C10orf71: variants seen among roughly 807,000 people sequenced by gnomAD.
C10orf71 encodes chromosome 10 open reading frame 71.
For missense variants in C10orf71, 1,869 were observed against 1,804.5 expected, an observed-to-expected ratio of 1.04 and a Z score of -0.65; for synonymous variants, 758 against 726.3, an observed-to-expected ratio of 1.04 and a Z score of -0.70.
At chr10:49,302,883 G>C (rs1279553088) in intron 1 of C10orf71, among the ~76,000 whole-genome samples, 1 of 152,112 alleles carries the variant, frequency 6.6e-6, no homozygotes, top group African/African-American at 2.4e-5. Flanking sequence ...AGGCAAATCT[G>C]GGTTCATAGG....
At chr10:49,315,006 T>A (rs1394269521) in intron 1 of C10orf71, among the ~76,000 whole-genome samples, 3 of 152,116 alleles carry the variant, frequency 2.0e-5, no homozygotes, top group Admixed American at 6.5e-5. Context: ...GATCATCAGT[T>A]CCTGAAACAT....
rs1379696315 is a variant in C10orf71, at chr10:49,324,809, A to G, written c.2264A>G (p.Asp755Gly). The change falls in exon 3 of 3, where the codon GAC (aspartate) becomes GGC (glycine). Residue 755 changes from aspartate to glycine, a missense_variant. Coordinates refer to ENST00000374144, the MANE Select transcript of C10orf71 (RefSeq NM_001135196.2). ...TGGTTTACTGAGAACCAGCGGGAAG[A>G]CAGGAGGAAGGATGTGAGTGCAGGT... ...KMWFTENQRE[D>G]RRKDVSAGDS... The G allele has an allele frequency of 6.4e-7, 1 of 1,552,140 alleles. No individual in the cohort carries two copies. The highest frequency in any genetic ancestry group is 1.2e-5 in the South Asian group (1 of 84,080).
In C10orf71 at chr10:49,325,136, C is replaced by T; in HGVS notation, c.2591C>T (p.Ala864Val). Residue 864 changes from alanine (A) to valine (V), a missense_variant, in exon 3 of 3, where the codon GCT becomes GTT. Physicochemically the swap from Ala to Val is moderately conservative, Grantham distance 64. Coordinates refer to ENST00000374144, the MANE Select transcript of C10orf71 (RefSeq NM_001135196.2). The part of the protein sequence containing the change: ...LFTIKDNTLR[A>V]TPVIKPIMLP... Reference sequence around the variant, plus strand: ...ACGATTAAAGACAACACCCTCAGAGCTACCCCCGTAATTAAACCTATCATG... The same window carrying T: ...ACGATTAAAGACAACACCCTCAGAGTTACCCCCGTAATTAAACCTATCATG... 6.4e-7 allele frequency: 1 copy of T among 1,552,134 alleles called. No homozygotes were observed. Among genetic ancestry groups the T allele is most frequent in the Non-Finnish European group, 8.7e-7 (1 of 1,147,090 alleles).
In C10orf71 at chr10:49,327,009, G is replaced by A. The variant is rs755482492; in HGVS notation, c.*156G>A. ...CTTTTTAGATCCATAAAGTCCAGAA[G>A]GCAGTAGGGATCCCAAGACGACCTC... is the stretch of plus-strand genomic sequence containing the variant. On this transcript the variant is annotated 3_prime_UTR_variant, in exon 3 of 3. Transcript: ENST00000374144. 1.9e-6 allele frequency: 3 copies of A among 1,588,558 alleles called. No individual in the cohort carries two copies. The highest frequency in any genetic ancestry group is 1.1e-5 in the South Asian group (1 of 88,044).
rs765182836 is a variant in C10orf71 at position 49,323,769 on chromosome 10, C to T, written c.1224C>T (p.Gly408=). The change falls in exon 3 of 3, where the codon GGC becomes GGT. Residue 408 remains glycine, a synonymous_variant. Coordinates refer to ENST00000374144, the MANE Select transcript of C10orf71 (RefSeq NM_001135196.2). Reference sequence around the variant, plus strand: ...AAAAGACACAGACCAACCAGAGAGGCCCACCTTTGTATACAAAACACAACC... The same window carrying T: ...AAAAGACACAGACCAACCAGAGAGGTCCACCTTTGTATACAAAACACAACC... ...LEEKTQTNQR[G]PPLYTKHNPQ... 1.4e-4 allele frequency: 225 copies of T among 1,613,944 alleles called. No homozygotes were observed. The highest frequency in any genetic ancestry group is 5.3e-4 in the East Asian group (24 of 44,878).
rs751670208 is a variant in C10orf71, at chr10:49,322,672, T to A, written c.127T>A (p.Ser43Thr). The change falls in exon 3 of 3, where the codon TCC (serine) becomes ACC (threonine). Residue 43 changes from serine (S) to threonine (T), a missense_variant. Physicochemically the swap from Ser to Thr is moderately conservative, Grantham distance 58. Coordinates refer to ENST00000374144, the MANE Select transcript of C10orf71 (RefSeq NM_001135196.2). ...CCGGGCATTCCGGAGTTTGTGCATC[T>A]CCGAGGACACATCCTTCCATGACTC... is the stretch of plus-strand genomic sequence containing the variant. Reference protein sequence around the residue: ...TDRAFRSLCISEDTSFHDSYL... With the variant: ...TDRAFRSLCITEDTSFHDSYL... 4 of 1,613,758 alleles carry A rather than the reference T, an allele frequency of 2.5e-6. No individual in the cohort carries two copies. Among genetic ancestry groups the A allele is most frequent in the Non-Finnish European group, 3.4e-6 (4 of 1,179,784 alleles).
At position 49,324,275 on chromosome 10, in the gene C10orf71, C is replaced by G; in HGVS notation, c.1730C>G (p.Thr577Arg). ...CACATCAATCCCCAGAAGGACCCTA[C>G]AGCTGACCCCAGTGAGCCCTCTGCA... The part of the protein sequence containing the change: ...ASHINPQKDP[T>R]ADPSEPSADS... The change falls in exon 3 of 3, where the codon ACA (threonine) becomes AGA (arginine). Residue 577 changes from threonine to arginine, a missense_variant. Thr to Arg is a moderately conservative substitution (Grantham distance 71). Coordinates refer to ENST00000374144, the MANE Select transcript of C10orf71 (RefSeq NM_001135196.2). 1 of 1,613,984 alleles carries G rather than the reference C, an allele frequency of 6.2e-7. No individual in the cohort carries two copies. Among genetic ancestry groups the G allele is most frequent in the African/African-American group, 1.3e-5 (1 of 75,034 alleles).
Position 49,326,284 on chromosome 10 carries a change from G to T in C10orf71, c.3739G>T (p.Val1247Leu), listed in dbSNP as rs1292724454. Residue 1247 changes from valine to leucine, a missense_variant, in exon 3 of 3, where the codon GTG becomes TTG. By Grantham distance (32) the Val-to-Leu change is conservative. Transcript: ENST00000374144. ...GCCCCCTCCCGTGCACCGCCACTCC[G>T]TGTCCGGCTTCTCGGAGCCTGTCGG... ...SLPPPVHRHS[V>L]SGFSEPVGRR... The T allele has an allele frequency of 1.3e-6, 2 of 1,550,054 alleles. No homozygotes were observed. Among genetic ancestry groups the T allele is most frequent in the East Asian group, 4.9e-5 (2 of 40,890 alleles).
chr10:49,304,679 G>T (rs976110832), intron 1 of C10orf71, among the ~76,000 whole-genome samples: 3 of 152,226 alleles, frequency 2.0e-5, no homozygotes, highest in African/African-American at 7.2e-5. Flanking sequence ...GCCAAGGCTG[G>T]CACCCTCCGG....
At chr10:49,315,649 G>A (rs117862765) in intron 1 of C10orf71, among the ~76,000 whole-genome samples, 1 of 152,304 alleles carries the variant, frequency 6.6e-6, no homozygotes, top group East Asian at 1.9e-4. Context: ...TATTAGAAGG[G>A]ATATAAATTG....
intron 1 of C10orf71, among the ~76,000 whole-genome samples, chr10:49,303,334 C>T (rs1338609586): frequency 6.6e-6 from 1 of 152,152 alleles, no homozygotes; most frequent in Non-Finnish European, 1.5e-5. Context: ...AATGATACTC[C>T]CACCTCTGAA....
intron 1 of C10orf71, among the ~76,000 whole-genome samples, chr10:49,311,326 G>T (rs1011072303): frequency 4.6e-5 from 7 of 152,236 alleles, no homozygotes. Flanking sequence ...GACACATGAG[G>T]GTCTGGGATA....
At chr10:49,306,535 C>T (rs1190785259) in intron 1 of C10orf71, among the ~76,000 whole-genome samples, 2 of 152,202 alleles carry the variant, frequency 1.3e-5, no homozygotes. Flanking sequence ...CAAGTGAATA[C>T]ATGAATGAGT....
chr10:49,321,085 T>A (rs1590336598), intron 2 of C10orf71, among the ~76,000 whole-genome samples: 1 of 151,712 alleles, frequency 6.6e-6, no homozygotes, highest in South Asian at 2.1e-4. Context: ...GCATTTAACA[T>A]AATATCTATC....
intron 1 of C10orf71, among the ~76,000 whole-genome samples, chr10:49,313,673 G>T (rs1848952241): frequency 6.6e-6 from 1 of 152,192 alleles, no homozygotes; most frequent in Non-Finnish European, 1.5e-5. Context: ...ACTAGGAAAT[G>T]GATGTCAAAG....
rs1385136643 is a variant in C10orf71, at chr10:49,326,178, G to A, written c.3633G>A (p.Pro1211=). The A allele has an allele frequency of 1.3e-6, 2 of 1,551,554 alleles. No homozygotes were observed. The highest frequency in any genetic ancestry group is 2.4e-5 in the East Asian group (1 of 40,902). Residue 1211 remains proline, a synonymous_variant, in exon 3 of 3, where the codon CCG becomes CCA. Transcript: ENST00000374144. The part of the protein sequence containing the change: ...HGESQEGKPC[P]EDLEQTQQRP... ...AGTCACAGGAGGGAAAGCCCTGCCCGGAGGACTTGGAGCAGACACAGCAAA... is the reference window on the plus strand; with the variant it reads ...AGTCACAGGAGGGAAAGCCCTGCCCAGAGGACTTGGAGCAGACACAGCAAA...
chr10:49,309,057 T>G (rs1848866049), intron 1 of C10orf71, among the ~76,000 whole-genome samples: 1 of 152,174 alleles, frequency 6.6e-6, no homozygotes, highest in East Asian at 1.9e-4. Flanking sequence ...TCATGCCAAG[T>G]GTTATCAAGG....
rs752070406 is a variant in C10orf71, at chr10:49,323,247, C to G, written c.702C>G (p.Ser234Arg). 4.3e-6 allele frequency: 7 copies of G among 1,613,724 alleles called. No homozygotes were observed. In the African/African-American group the frequency reaches 9.3e-5, roughly 22 times the overall value. ...AAATGGCCTGTCACGGCTCCAGCAG[C>G]TTCCTCCCAGCAGCCAATGACACGG... is the stretch of plus-strand genomic sequence containing the variant. ...NPEMACHGSS[S>R]FLPAANDTAT... is the part of the protein sequence containing the mutation. The change falls in exon 3 of 3, where the codon AGC becomes AGG. Residue 234 changes from serine to arginine, a missense_variant. By Grantham distance (110) the Ser-to-Arg change is moderately radical. Transcript: ENST00000374144.
rs1376686744 is a variant in C10orf71, at chr10:49,326,155, T to A, written c.3610T>A (p.Ser1204Thr). The A allele has an allele frequency of 6.4e-7, 1 of 1,551,176 alleles. No homozygotes were observed. Among genetic ancestry groups the A allele is most frequent in the Admixed American group, 2.0e-5 (1 of 50,988 alleles). ...TCAGGCTCAGGAGAAGCATGGCGAG[T>A]CACAGGAGGGAAAGCCCTGCCCGGA... Reference protein sequence around the residue: ...TDQAQEKHGESQEGKPCPEDL... With the variant: ...TDQAQEKHGETQEGKPCPEDL... The change falls in exon 3 of 3, where the codon TCA becomes ACA. Residue 1204 changes from serine (S) to threonine (T), a missense_variant. Ser to Thr is a moderately conservative substitution (Grantham distance 58). Transcript: ENST00000374144.
Sources: allele counts gnomAD v4.1 joint callset (sites outside exome capture counted in the v4.1 genomes callset), GRCh38; gene constraint gnomAD v4.1.1; transcripts MANE v1.5; gene names NCBI Gene and HGNC (gene_info 2026-07-23, HGNC 2026-07-21).